Variants in CLEC4F observed in about 807,000 individuals in gnomAD.
CLEC4F encodes the protein C-type lectin domain family 4 member F.
A neutral mutation model predicts 53.4 loss-of-function variants in CLEC4F; 45 were observed. The ratio of observed to expected loss-of-function variants is 0.84; its 90% CI spans 0.66 to 1.08. The LOEUF is 1.08. CLEC4F is among the 50% of genes least tolerant of loss of function. The pLI is 0.00. For missense variants in CLEC4F, 753 were observed against 698.2 expected, an observed-to-expected ratio of 1.08 and a Z score of -0.88; for synonymous variants, 245 against 257.5, an observed-to-expected ratio of 0.95 and a Z score of 0.46.
chr2:70,811,743 T>A (rs541624435), intron 5 of CLEC4F, among the ~76,000 whole-genome samples: 1 of 152,252 alleles, frequency 6.6e-6, no homozygotes, highest in African/African-American at 2.4e-5. Context: ...AGCCTGGGTC[T>A]CCTATTCATG....
At chr2:70,813,595 T>C (rs868986095) in intron 4 of CLEC4F, among the ~76,000 whole-genome samples, 6 of 75,482 alleles carry the variant, frequency 7.9e-5, no homozygotes, top group East Asian at 8.8e-4. Flanking sequence ...CTCTCTTTCT[T>C]TCTCTTTCTT....
intron 3 of CLEC4F, among the ~76,000 whole-genome samples, chr2:70,819,053 A>G (rs546615641): frequency 6.6e-6 from 1 of 152,154 alleles, no homozygotes; most frequent in East Asian, 1.9e-4. Context: ...AGAGGAAGGG[A>G]GAGGAAGGAA....
At chr2:70,822,015 T>G (rs1677237416), upstream of CLEC4F, among the ~76,000 whole-genome samples, 1 of 152,118 alleles carries the variant, frequency 6.6e-6, no homozygotes, top group Non-Finnish European at 1.5e-5. Flanking sequence ...CACCTCAGCC[T>G]CCCAAAGTGC....
At chr2:70,811,016 C>A (rs143086404) in intron 5 of CLEC4F, 7,747 of 613,414 alleles carry the variant, frequency 0.013, 75 homozygotes, top group Non-Finnish European at 0.018. Flanking sequence ...TTTGGTGTCA[C>A]TACAGATGAT....
chr2:70,817,068 G>A lies in CLEC4F; in HGVS notation c.313C>T (p.Gln105Ter). The change falls in exon 4 of 7, where the codon CAG becomes TAG. Residue 105 changes from glutamine to a stop codon, truncating the protein, a stop_gained. Coordinates refer to ENST00000272367, the MANE Select transcript of CLEC4F (RefSeq NM_173535.3). LOFTEE classifies it high-confidence loss of function. ...GREAEMRELI[Q>*]TFKGHMENSS... Reference sequence around the variant, plus strand: ...TTCTCCATGTGGCCTTTAAATGTCTGGATAAGCTCTCGCATTTCTGCCTCC... The same window carrying A: ...TTCTCCATGTGGCCTTTAAATGTCTAGATAAGCTCTCGCATTTCTGCCTCC... 6.2e-7 allele frequency: 1 copy of A among 1,613,252 alleles called. No individual in the cohort carries two copies. Among genetic ancestry groups the A allele is most frequent in the South Asian group, 1.1e-5 (1 of 91,058 alleles).
intron 4 of CLEC4F, among the ~76,000 whole-genome samples, chr2:70,813,510 C>CTTTTCTTTCTTTCTTTCTTTCTTTCTTTT (rs1676679464): frequency 2.4e-5 from 2 of 83,630 alleles, no homozygotes; most frequent in East Asian, 5.8e-4. Context: ...TTCTTTCTTT[C>CTTTTCTTTCTTTCTTTCTTTCTTTCTTTT]TTTTCTTTCT....
At chr2:70,824,016 CAA>C (rs1677287991), upstream of CLEC4F, among the ~76,000 whole-genome samples, 1 of 83,516 alleles carries the variant, frequency 1.2e-5, no homozygotes, top group Non-Finnish European at 2.3e-5. Context: ...GGTGACAGAG[CAA>C]GACTCCAAAA....
chr2:70,811,473 A>G (rs1186466415), intron 5 of CLEC4F: 7 of 543,636 alleles, frequency 1.3e-5, no homozygotes, highest in Non-Finnish European at 2.5e-5. Flanking sequence ...TGCCATGACC[A>G]TAGTGCCAGC....
chr2:70,823,306 A>G (rs1360511980), upstream of CLEC4F, among the ~76,000 whole-genome samples: 1 of 152,218 alleles, frequency 6.6e-6, no homozygotes, highest in Admixed American at 6.5e-5. Flanking sequence ...CTGAGATCCC[A>G]GTGGTGTCTG....
chr2:70,820,338 G>T, intron 1 of CLEC4F, 125 bp downstream of exon 1: 2 of 783,022 alleles, frequency 2.6e-6, no homozygotes, highest in South Asian at 2.0e-5. Flanking sequence ...TGCCAGGTCT[G>T]CATCCCCAAG....
At chr2:70,817,318 A>T (rs1346725630) in intron 3 of CLEC4F, among the ~76,000 whole-genome samples, 3 of 152,200 alleles carry the variant, frequency 2.0e-5, no homozygotes, top group Non-Finnish European at 2.9e-5. Flanking sequence ...ACAAAGATCT[A>T]ATTCACTGTT....
chr2:70,824,621 C>CA (rs1388918958), upstream of CLEC4F, among the ~76,000 whole-genome samples: 67 of 38,268 alleles, frequency 1.8e-3, 1 homozygote, highest in South Asian at 3.8e-3. Context: ...TGCTTAGTTA[C>CA]CAAAAAAAAA....
chr2:70,819,687 G>A (rs1219700862), intron 2 of CLEC4F, 88 bp downstream of exon 2: 36 of 937,510 alleles, frequency 3.8e-5, no homozygotes, highest in Non-Finnish European at 6.0e-5. Flanking sequence ...GGAGCAGAGA[G>A]GCCCAGAGAG....
At position 70,812,159 on chromosome 2, in the gene CLEC4F, C is replaced by T. The variant is rs150390398; in HGVS notation, c.1539+288G>A. Among the ~76,000 whole-genome samples, 5 of 152,272 alleles carry T rather than the reference C, an allele frequency of 3.3e-5. No individual in the cohort carries two copies. In the East Asian group the frequency reaches 9.7e-4, roughly 29 times the overall value. ...AATGCAAGAGAAGGGAAGTGTGCTC[C>T]TAGCACTTAAGGGCATCACCTGATG... On this transcript the variant is annotated intron_variant, in intron 5 of 6. Coordinates refer to ENST00000272367, the MANE Select transcript of CLEC4F (RefSeq NM_173535.3).
intron 4 of CLEC4F, among the ~76,000 whole-genome samples, chr2:70,815,305 C>A (rs2104653066): frequency 6.6e-6 from 1 of 152,316 alleles, no homozygotes; most frequent in East Asian, 1.9e-4. Context: ...ATCTTTTGAT[C>A]TTTTCCCCAC....
At chr2:70,812,103 G>C (rs1306073505) in intron 5 of CLEC4F, among the ~76,000 whole-genome samples, 1 of 152,098 alleles carries the variant, frequency 6.6e-6, no homozygotes, top group African/African-American at 2.4e-5. Flanking sequence ...CCAAAAAAAA[G>C]ATGACTGGAA....
At chr2:70,813,325 T>G (rs1237316257) in intron 4 of CLEC4F, among the ~76,000 whole-genome samples, 2 of 152,144 alleles carry the variant, frequency 1.3e-5, no homozygotes, top group Non-Finnish European at 2.9e-5. Context: ...TAGAGCCTAA[T>G]AAATGAGACA....
Position 70,809,183 on chromosome 2 carries a change from A to G in CLEC4F, c.*88T>C. On this transcript the variant is annotated 3_prime_UTR_variant, in exon 7 of 7. Transcript: ENST00000272367. ...GGGATGAGTCTAGGGAGCTGACTTG[A>G]GATGGGTCCTTCATCCCCTAGTGGC... The G allele has an allele frequency of 6.4e-7, 1 of 1,564,204 alleles. No individual in the cohort carries two copies. The highest frequency in any genetic ancestry group is 2.3e-5 in the East Asian group (1 of 42,604).
chr2:70,812,531 A>G lies in CLEC4F; in HGVS notation c.1455T>C (p.Ser485=). The change falls in exon 5 of 7, where the codon AGT becomes AGC. Residue 485 remains serine (S), a synonymous_variant. Coordinates refer to ENST00000272367, the MANE Select transcript of CLEC4F (RefSeq NM_173535.3). ...CAGCCTCATGCCAAGACTTCTTGAC[A>G]CTAGAAAAATAATATAAGCTTCCAC... The part of the protein sequence containing the change: ...FNGGSLYYFS[S]VKKSWHEAEQ... 1 of 1,614,198 alleles carries G rather than the reference A, an allele frequency of 6.2e-7. No individual in the cohort carries two copies.
Sources: gnomAD v4.1 joint callset for allele counts (sites outside exome capture counted in the v4.1 genomes callset) on GRCh38, gnomAD v4.1.1 for gene constraint, MANE v1.5 for transcripts, NCBI Gene and HGNC (gene_info 2026-07-23, HGNC 2026-07-21) for gene names.